The following PAN3 variants were observed in gnomAD, a reference collection of about 807,000 sequenced individuals.
PAN3 encodes poly(A) specific ribonuclease subunit PAN3, also known as PAN2-PAN3 deadenylation complex subunit PAN3.
A neutral mutation model predicts 96.2 loss-of-function variants in PAN3; 19 were observed. That is an observed-to-expected ratio of 0.20 (90% CI 0.14 to 0.29). The LOEUF (loss-of-function observed/expected upper bound fraction) is 0.29. Ranked by LOEUF, PAN3 falls within the 10% of genes least tolerant of loss-of-function variation. The pLI is 1.00. For missense variants in PAN3, 882 were observed against 1,108.1 expected, an observed-to-expected ratio of 0.80 and a Z score of 2.90; for synonymous variants, 433 against 406.6, an observed-to-expected ratio of 1.06 and a Z score of -0.78.
At chr13:28,232,114 A>G (rs920101331) in intron 6 of PAN3, among the ~76,000 whole-genome samples, 1 of 152,194 alleles carries the variant, frequency 6.6e-6, no homozygotes, top group Non-Finnish European at 1.5e-5. Flanking sequence ...TCTCAAAAAA[A>G]TGAAAAAGAA....
rs45529534 is a variant in PAN3, at chr13:28,270,674, C to A, written c.1793-27C>A. 10,610 of 1,595,130 alleles carry A rather than the reference C, an allele frequency of 6.7e-3. 578 individuals are homozygous for A. The African/African-American group carries it at 0.12, about 18-fold the overall frequency. ...TCTTTTAGTTGATTACTTAAGATGT[C>A]ATTTTTTGGATTTCTTTGCTGTATA... On this transcript the variant is annotated intron_variant, in intron 12 of 18. Transcript: ENST00000380958.
rs542647465 is a variant in PAN3 at position 28,193,585 on chromosome 13, G to T, written c.691-3600G>T. Among the ~76,000 whole-genome samples the T allele has an allele frequency of 6.3e-4, 96 of 151,550 alleles. 1 individual carries two copies. In the South Asian group the frequency reaches 9.8e-3, roughly 16 times the overall value. On this transcript the variant is annotated intron_variant, in intron 4 of 18. Transcript: ENST00000380958. ...GGAGAGACTCCCATCTCCACAAAAA[G>T]TATAGAAATTAGCTGGGCGTGGTGG...
chr13:28,143,691 A>G (rs561506455), intron 1 of PAN3, among the ~76,000 whole-genome samples: 25 of 152,296 alleles, frequency 1.6e-4, no homozygotes, highest in East Asian at 5.8e-4. Context: ...AGTTATTGCT[A>G]TTATTAAATA....
intron 17 of PAN3, among the ~76,000 whole-genome samples, chr13:28,282,202 T>C (rs1009312377): frequency 3.9e-5 from 6 of 152,024 alleles, no homozygotes; most frequent in South Asian, 2.1e-4. Flanking sequence ...GCAGAGTCGA[T>C]GTTTGTACTA....
chr13:28,179,704 A>C (rs1875512128), intron 4 of PAN3, among the ~76,000 whole-genome samples: 1 of 148,294 alleles, frequency 6.7e-6, no homozygotes, highest in Non-Finnish European at 1.5e-5. Context: ...ACCCTGTCTC[A>C]GACAAAAAAA....
At chr13:28,162,506 G>A (rs1873001417) in intron 1 of PAN3, among the ~76,000 whole-genome samples, 2 of 152,132 alleles carry the variant, frequency 1.3e-5, no homozygotes, top group Non-Finnish European at 1.5e-5. Flanking sequence ...GCAACATGGC[G>A]AAACCCCACC....
In PAN3 at chr13:28,292,700, A is replaced by G. The variant is rs1408986562; in HGVS notation, c.*178A>G. On this transcript the variant is annotated 3_prime_UTR_variant, in exon 19 of 19. Transcript: ENST00000380958. ...GAAAGGAAGAATGTTTCACTTACCCAAGAGCTATGGCTGCCATTGGAGGCT... is the reference window on the plus strand; with the variant it reads ...GAAAGGAAGAATGTTTCACTTACCCGAGAGCTATGGCTGCCATTGGAGGCT... 1 of 474,290 alleles carries G rather than the reference A, an allele frequency of 2.1e-6. No homozygotes were observed. Among genetic ancestry groups the G allele is most frequent in the Non-Finnish European group, 3.5e-6 (1 of 287,532 alleles). The allele number at this position is 474,290 out of a possible 1,614,324, so 29.4% of individuals were successfully genotyped here.
At chr13:28,269,033 G>A (rs553340829) in intron 12 of PAN3, among the ~76,000 whole-genome samples, 1 of 152,238 alleles carries the variant, frequency 6.6e-6, no homozygotes, top group Non-Finnish European at 1.5e-5. Context: ...TGAAATGACT[G>A]TTGGCTTTAA....
In PAN3 at chr13:28,231,248, T is replaced by C. The variant is rs1258669405; in HGVS notation, c.1000+10870T>C. Among the ~76,000 whole-genome samples the C allele has an allele frequency of 2.6e-5, 4 of 152,174 alleles. No individual in the cohort carries two copies. The East Asian group carries it at 7.7e-4, about 29-fold the overall frequency. On this transcript the variant is annotated intron_variant, in intron 6 of 18. Transcript: ENST00000380958. Reference sequence around the variant, plus strand: ...GTCTAATGATATTTGTTAAATTAATTAATGACAGTTCATCTAGAAATGACA... The same window carrying C: ...GTCTAATGATATTTGTTAAATTAATCAATGACAGTTCATCTAGAAATGACA...
rs145678094 is a variant in PAN3 at position 28,209,751 on chromosome 13, TCCTGCCTGCCTG to T, written c.853-10468_853-10457del. Among the ~76,000 whole-genome samples the T allele has an allele frequency of 2.0e-5, 3 of 152,044 alleles. No individual in the cohort carries two copies. In the East Asian group the frequency reaches 5.8e-4, roughly 29 times the overall value. On this transcript the variant is annotated intron_variant, in intron 5 of 18. Coordinates refer to ENST00000380958, the MANE Select transcript of PAN3 (RefSeq NM_175854.8). ...TCCCGTCTCCTCCCGTTTTTCTCCT[TCCTGCCTGCCTG>T]CCTGCCTGCCTTTCTTTTTCTTTTC...
intron 4 of PAN3, among the ~76,000 whole-genome samples, chr13:28,185,139 A>G (rs1253489874): frequency 2.0e-5 from 3 of 152,168 alleles, no homozygotes; most frequent in African/African-American, 7.2e-5. Context: ...AATGATCTCT[A>G]GTAATCAGTT....
rs890741264 is a variant in PAN3 at position 28,220,360 on chromosome 13, A to G, written c.982A>G (p.Thr328Ala). The G allele has an allele frequency of 6.2e-6, 10 of 1,613,666 alleles. No homozygotes were observed. The highest frequency in any genetic ancestry group is 7.6e-6 in the Non-Finnish European group (9 of 1,179,720). Residue 328 changes from threonine (T) to alanine (A), a missense_variant, in exon 6 of 19, where the codon ACT becomes GCT. Physicochemically the swap from Thr to Ala is moderately conservative, Grantham distance 58. This residue lies in a region of PAN3 where 364 missense variants were observed against 513.6 expected (regional missense o/e 0.71). Transcript: ENST00000380958. ...FSHPSMGSPA[T>A]AGLAPGMSLS... ...TCACCCATCCATGGGAAGCCCTGCT[A>G]CTGCTGGATTAGCGCCAGGTAAGTT...
At chr13:28,261,516 A>AAGAAC in intron 9 of PAN3, 58 bp downstream of exon 9, 1 of 1,480,156 alleles carries the variant, frequency 6.8e-7, no homozygotes, top group Non-Finnish European at 9.4e-7. Context: ...CTTACGTGGT[A>AAGAAC]GTACATGTTT....
At chr13:28,231,281 T>C (rs1882531560) in intron 6 of PAN3, among the ~76,000 whole-genome samples, 1 of 152,210 alleles carries the variant, frequency 6.6e-6, no homozygotes, top group South Asian at 2.1e-4. Flanking sequence ...ACACCATTAA[T>C]ACAGGCAAGA....
intron 12 of PAN3, among the ~76,000 whole-genome samples, chr13:28,270,242 AAAAC>A (rs1197380683): frequency 1.3e-5 from 2 of 152,234 alleles, no homozygotes; most frequent in Admixed American, 6.5e-5. Context: ...TGATATAAGG[AAAAC>A]AAACATTCAA....
chr13:28,196,492 T>G (rs1345553644), intron 4 of PAN3, among the ~76,000 whole-genome samples: 1 of 152,032 alleles, frequency 6.6e-6, no homozygotes, highest in Non-Finnish European at 1.5e-5. Context: ...AATAATTTAT[T>G]CATTATCAAT....
At chr13:28,235,776 G>GCAGTGCCC (rs1883043578) in intron 6 of PAN3, among the ~76,000 whole-genome samples, 1 of 151,290 alleles carries the variant, frequency 6.6e-6, no homozygotes, top group South Asian at 2.1e-4. Flanking sequence ...AGGCTGGAGA[G>GCAGTGCCC]CAGTGGCTCG....
intron 6 of PAN3, among the ~76,000 whole-genome samples, chr13:28,241,320 C>G (rs183699767): frequency 9.2e-5 from 14 of 152,280 alleles, no homozygotes; most frequent in Non-Finnish European, 1.6e-4. Context: ...GCTGTACTTG[C>G]ATATAGTATA....
chr13:28,187,334 TACA>T (rs999630280), intron 4 of PAN3, among the ~76,000 whole-genome samples: 2 of 152,032 alleles, frequency 1.3e-5, no homozygotes, highest in African/African-American at 4.8e-5. Context: ...CTCAAAAAAA[TACA>T]ACAATTTTTT....
Sources: allele counts gnomAD v4.1 joint callset (sites outside exome capture counted in the v4.1 genomes callset), GRCh38; gene constraint gnomAD v4.1.1; regional missense constraint gnomAD v4.1.1; transcripts MANE v1.5; gene names NCBI Gene and HGNC (gene_info 2026-07-23, HGNC 2026-07-21).